Variants in SVOPL observed in about 807,000 individuals in gnomAD.
The protein encoded by SVOPL is SVOP like.
In SVOPL, 60 loss-of-function variants were observed where a neutral mutation model predicts 61.0. That is an observed-to-expected ratio of 0.98 (90% CI 0.80 to 1.22). The LOEUF is 1.22. Among genes scored for constraint, SVOPL ranks in the 50% most tolerant of loss-of-function variants. SVOPL has a pLI of 0.00. For missense variants in SVOPL, 662 were observed against 643.9 expected (o/e 1.03, Z -0.30); for synonymous variants, 279 against 250.0 (o/e 1.12, Z -1.09).
At chr7:138,686,405 C>CAAA (rs200553829) in intron 1 of SVOPL, among the ~76,000 whole-genome samples, 1,100 of 88,018 alleles carry the variant, frequency 0.012, 26 homozygotes, top group African/African-American at 0.038. Context: ...GACTCCGCCT[C>CAAA]AAAAAAAAAA....
At chr7:138,597,641 C>T (rs900326894) in intron 14 of SVOPL, among the ~76,000 whole-genome samples, 21 of 147,618 alleles carry the variant, frequency 1.4e-4, no homozygotes, top group East Asian at 8.1e-4. Flanking sequence ...ATAACGTCTG[C>T]GTGTGTGTGT....
intron 3 of SVOPL, among the ~76,000 whole-genome samples, chr7:138,676,977 C>T (rs1298314565): frequency 6.9e-5 from 10 of 145,482 alleles, no homozygotes; most frequent in African/African-American, 2.6e-4. Flanking sequence ...TATCGCAGCT[C>T]ACTGCAACCT....
intron 9 of SVOPL, among the ~76,000 whole-genome samples, chr7:138,640,945 G>A (rs1425731014): frequency 2.6e-5 from 4 of 152,152 alleles, no homozygotes; most frequent in Non-Finnish European, 5.9e-5. Context: ...GTTCACACCT[G>A]TAATCCCATA....
chr7:138,687,226 CTCTT>C (rs1313037476), intron 1 of SVOPL, among the ~76,000 whole-genome samples: 3 of 124,918 alleles, frequency 2.4e-5, no homozygotes, highest in Non-Finnish European at 5.0e-5. Context: ...TCCTTTTTTC[CTCTT>C]TTTTTTTTTT....
intron 14 of SVOPL, among the ~76,000 whole-genome samples, chr7:138,609,794 G>A (rs999855632): frequency 1.4e-4 from 21 of 151,924 alleles, no homozygotes; most frequent in African/African-American, 3.6e-4. Flanking sequence ...ATGCAGTGGC[G>A]TGATCTCAGC....
intron 14 of SVOPL, among the ~76,000 whole-genome samples, chr7:138,607,546 T>A (rs969047271): frequency 6.6e-6 from 1 of 152,010 alleles, no homozygotes; most frequent in Admixed American, 6.6e-5. Flanking sequence ...TCAGGTGAGA[T>A]GAGGGGTTAA....
chr7:138,655,440 G>T (rs1801676922), intron 7 of SVOPL, among the ~76,000 whole-genome samples: 1 of 152,038 alleles, frequency 6.6e-6, no homozygotes, highest in Non-Finnish European at 1.5e-5. Context: ...AGGAGGCAGA[G>T]GTTGTAGTGA....
intron 14 of SVOPL, among the ~76,000 whole-genome samples, chr7:138,599,167 A>AAAAAAAAAAAAAAC (rs58372563): frequency 1.2e-4 from 15 of 121,788 alleles, no homozygotes; most frequent in South Asian, 2.6e-4. Context: ...ACCAAAAAAA[A>AAAAAAAAAAAAAAC]AAGAAATACA....
intron 1 of SVOPL, chr7:138,688,834 T>TAGATCTC: frequency 2.8e-6 from 1 of 362,958 alleles, no homozygotes; most frequent in Non-Finnish European, 5.3e-6. Flanking sequence ...TTGAATTGTG[T>TAGATCTC]GCCCATCAAA....
intron 14 of SVOPL, among the ~76,000 whole-genome samples, chr7:138,608,253 T>C (rs1409839983): frequency 2.0e-5 from 3 of 152,232 alleles, no homozygotes; most frequent in Non-Finnish European, 4.4e-5. Flanking sequence ...TTGGGTGGAA[T>C]GTTACTAAGT....
chr7:138,661,068 A>T, intron 5 of SVOPL: 5 of 985,152 alleles, frequency 5.1e-6, no homozygotes, highest in Non-Finnish European at 6.0e-6. Flanking sequence ...TCGTGTTTTC[A>T]AATTTACAAG....
intron 1 of SVOPL, among the ~76,000 whole-genome samples, chr7:138,699,852 A>C (rs1204025200): frequency 6.6e-6 from 1 of 152,228 alleles, no homozygotes; most frequent in Non-Finnish European, 1.5e-5. Context: ...TTCCCAATGC[A>C]TAGCCCTTGA....
At chr7:138,662,015 C>T in intron 5 of SVOPL, 1 of 985,510 alleles carries the variant, frequency 1.0e-6, no homozygotes, top group Non-Finnish European at 1.2e-6. Flanking sequence ...AGAGGTTTCA[C>T]TGGGGGCAAA....
At chr7:138,696,879 G>A (rs1283875471) in intron 1 of SVOPL, among the ~76,000 whole-genome samples, 2 of 152,158 alleles carry the variant, frequency 1.3e-5, no homozygotes, top group Non-Finnish European at 2.9e-5. Context: ...CAAGGCCTGT[G>A]TTTTTGTGCC....
intron 9 of SVOPL, among the ~76,000 whole-genome samples, chr7:138,631,600 G>A (rs376948763): frequency 1.3e-4 from 19 of 151,764 alleles, no homozygotes; most frequent in Non-Finnish European, 2.1e-4. Flanking sequence ...AAGGAGTCTC[G>A]CTCTGTCACC....
intron 14 of SVOPL, among the ~76,000 whole-genome samples, chr7:138,610,893 G>C (rs757481881): frequency 6.6e-5 from 10 of 152,172 alleles, no homozygotes; most frequent in Non-Finnish European, 1.3e-4. Flanking sequence ...AGCAAATCCA[G>C]GTGGGATTTA....
chr7:138,623,708 C>T (rs550130097), intron 13 of SVOPL, among the ~76,000 whole-genome samples: 4 of 152,234 alleles, frequency 2.6e-5, no homozygotes, highest in Non-Finnish European at 4.4e-5. Context: ...AGAAGTACAC[C>T]ATGTTACGCA....
At chr7:138,691,108 T>C (rs1802930328) in intron 1 of SVOPL, among the ~76,000 whole-genome samples, 2 of 152,172 alleles carry the variant, frequency 1.3e-5, no homozygotes, top group African/African-American at 4.8e-5. Context: ...GACTTTTATG[T>C]AGGTGGATTA....
rs551816359 is a variant in SVOPL at position 138,659,206 on chromosome 7, G to C, written c.470+658C>G. Among the ~76,000 whole-genome samples, 3 of 152,194 alleles carry C rather than the reference G, an allele frequency of 2.0e-5. No individual in the cohort carries two copies. The East Asian group carries it at 5.8e-4, about 29-fold the overall frequency. On this transcript the variant is annotated intron_variant, in intron 6 of 15. Transcript: ENST00000674285. ...ACCAATGCCAATCAGAAAATGTTTA[G>C]ATCAGCCAGGCACAGTGACTCACAC...
Sources: gnomAD v4.1 joint callset for allele counts (sites outside exome capture counted in the v4.1 genomes callset) on GRCh38, gnomAD v4.1.1 for gene constraint, MANE v1.5 for transcripts, NCBI Gene and HGNC (gene_info 2026-07-23, HGNC 2026-07-21) for gene names.